Variants in GPAM observed in about 807,000 individuals in gnomAD.
GPAM encodes the protein glycerol-3-phosphate acyltransferase 1, mitochondrial.
A neutral mutation model predicts 105.0 loss-of-function variants in GPAM; 56 were observed. The observed-to-expected ratio is 0.53, with a 90% CI of 0.43 to 0.67. GPAM has a LOEUF of 0.67. Among genes scored for constraint, GPAM ranks in the 30% least tolerant of loss-of-function variants. The probability of loss-of-function intolerance (pLI) is 0.00; values close to 1 mark genes in which losing one functional copy is unlikely to be tolerated. For synonymous variants in GPAM, 368 were observed against 354.4 expected (o/e 1.04, Z -0.43); for missense variants, 855 against 989.8 (o/e 0.86, Z 1.83).
At position 112,183,676 on chromosome 10, in the gene GPAM, G is replaced by A. The variant is rs1847549909; in HGVS notation, c.-128+17C>T. The A allele has an allele frequency of 6.5e-6, 1 of 152,790 alleles. No individual in the cohort carries two copies. The highest frequency in any genetic ancestry group is 1.5e-5 in the Non-Finnish European group (1 of 68,478). The allele number at this position is 152,790 out of a possible 1,614,324, so 9.5% of individuals were successfully genotyped here. ...GAGTAGCCTCCCGCAGCCCACACCT[G>A]CCCTGGCAGTTCGCACCCTAGCAGC... is the stretch of plus-strand genomic sequence containing the variant. On this transcript the variant is annotated intron_variant, in intron 1 of 21. Transcript: ENST00000348367.
Position 112,151,202 on chromosome 10 carries a change from A to G in GPAM, c.*2348T>C, listed in dbSNP as rs1460854819. 1 of 984,684 alleles carries G rather than the reference A, an allele frequency of 1.0e-6. No homozygotes were observed. The allele number at this position is 984,684 out of a possible 1,614,324, so 61.0% of individuals were successfully genotyped here. On this transcript the variant is annotated 3_prime_UTR_variant, in exon 22 of 22. Coordinates refer to ENST00000348367, the MANE Select transcript of GPAM (RefSeq NM_001244949.2). ...AATGCGATAGAGTAAACTGTAATAA[A>G]TTATTTACAAGCACCTAGTTTGTTT...
upstream of GPAM, among the ~76,000 whole-genome samples, chr10:112,184,384 C>T (rs2133274069): frequency 6.6e-6 from 1 of 152,222 alleles, no homozygotes; most frequent in Admixed American, 6.5e-5. Context: ...AAAGTTCTCA[C>T]CATGAAAACT....
At chr10:112,204,516 T>C (rs1176688279) in intron 1 of GPAM, among the ~76,000 whole-genome samples, 1 of 151,872 alleles carries the variant, frequency 6.6e-6, no homozygotes, top group African/African-American at 2.4e-5. Context: ...GAGAGAAGTT[T>C]ATTTATTGCA....
chr10:112,181,409 T>G (rs955000086), intron 3 of GPAM, among the ~76,000 whole-genome samples: 1 of 151,968 alleles, frequency 6.6e-6, no homozygotes, highest in African/African-American at 2.4e-5. Flanking sequence ...GAAAAAAAAA[T>G]TTCTTACCGA....
chr10:112,156,301 A>G, intron 19 of GPAM: 1 of 511,790 alleles, frequency 2.0e-6, no homozygotes, highest in Non-Finnish European at 3.5e-6. Flanking sequence ...TTCATTGAAC[A>G]GCCACCTAGA....
chr10:112,209,020 C>T (rs775376399), intron 1 of GPAM, among the ~76,000 whole-genome samples: 1 of 152,158 alleles, frequency 6.6e-6, no homozygotes, highest in African/African-American at 2.4e-5. Context: ...GTGTTCAGGG[C>T]AAGGACAGGG....
intron 5 of GPAM, among the ~76,000 whole-genome samples, chr10:112,176,708 C>A (rs1265942921): frequency 6.6e-6 from 1 of 152,164 alleles, no homozygotes; most frequent in Non-Finnish European, 1.5e-5. Context: ...AGTCCAAGCT[C>A]TCTATGAAAT....
chr10:112,199,057 G>A (rs1462317127), intron 1 of GPAM, among the ~76,000 whole-genome samples: 4 of 151,092 alleles, frequency 2.6e-5, no homozygotes, highest in African/African-American at 9.7e-5. Flanking sequence ...CGAGTAGCTG[G>A]GACTACAGAC....
intron 11 of GPAM, among the ~76,000 whole-genome samples, chr10:112,166,764 C>A (rs1157145446): frequency 6.6e-6 from 1 of 152,180 alleles, no homozygotes; most frequent in Admixed American, 6.5e-5. Context: ...AATACTATTT[C>A]ATTTAGTATC....
intron 1 of GPAM, among the ~76,000 whole-genome samples, chr10:112,213,650 A>T (rs938939632): frequency 1.4e-5 from 2 of 144,148 alleles, no homozygotes; most frequent in East Asian, 3.9e-4. Flanking sequence ...CAGAAGAAGT[A>T]GATTTACTCA....
At chr10:112,176,896 T>G (rs955173533) in intron 5 of GPAM, among the ~76,000 whole-genome samples, 2 of 152,246 alleles carry the variant, frequency 1.3e-5, no homozygotes, top group African/African-American at 4.8e-5. Context: ...AGTTTCATTC[T>G]GCCTCGTCAT....
intron 9 of GPAM, among the ~76,000 whole-genome samples, chr10:112,170,715 A>G (rs1472464382): frequency 1.3e-5 from 2 of 152,242 alleles, no homozygotes; most frequent in African/African-American, 4.8e-5. Context: ...TAATTCCTGG[A>G]AAAGCACATC....
At chr10:112,192,486 A>G (rs1433197263) in intron 1 of GPAM, among the ~76,000 whole-genome samples, 1 of 152,200 alleles carries the variant, frequency 6.6e-6, no homozygotes, top group African/African-American at 2.4e-5. Flanking sequence ...GACTCCTAAA[A>G]GGGGAGAGCA....
chr10:112,217,869 ATTC>A (rs1439759646), upstream of GPAM, among the ~76,000 whole-genome samples: 1 of 152,232 alleles, frequency 6.6e-6, no homozygotes, highest in African/African-American at 2.4e-5. Context: ...ACAGGTCTTT[ATTC>A]TTCTCCTACA....
In GPAM at chr10:112,151,675, C is replaced by T. The variant is rs1242225486; in HGVS notation, c.*1875G>A. 1.0e-6 allele frequency: 1 copy of T among 985,018 alleles called. No individual in the cohort carries two copies. Among genetic ancestry groups the T allele is most frequent in the Non-Finnish European group, 1.2e-6 (1 of 829,692 alleles). The allele number at this position is 985,018 out of a possible 1,614,324, so 61.0% of individuals were successfully genotyped here. On this transcript the variant is annotated 3_prime_UTR_variant, in exon 22 of 22. Coordinates refer to ENST00000348367, the MANE Select transcript of GPAM (RefSeq NM_001244949.2). Reference sequence around the variant, plus strand: ...AATGACAGGCAGGGCAGAGTGTCGACTGGGAAGCGAGTCCCAATCTTGAAT... The same window carrying T: ...AATGACAGGCAGGGCAGAGTGTCGATTGGGAAGCGAGTCCCAATCTTGAAT...
chr10:112,180,718 A>G (rs1847493812), intron 3 of GPAM, 123 bp from the exon 4 acceptor site: 5 of 841,340 alleles, frequency 5.9e-6, no homozygotes, highest in Middle Eastern at 3.4e-4. Flanking sequence ...GGTGATTTTC[A>G]TTTAAGTACT....
At chr10:112,187,591 T>C (rs1847610683), upstream of GPAM, among the ~76,000 whole-genome samples, 1 of 152,124 alleles carries the variant, frequency 6.6e-6, no homozygotes, top group Non-Finnish European at 1.5e-5. Flanking sequence ...GAAGAAATTT[T>C]AAAAATCTAC....
chr10:112,203,476 T>C (rs60161502), intron 1 of GPAM, among the ~76,000 whole-genome samples: 4,932 of 152,314 alleles, frequency 0.032, 180 homozygotes, highest in African/African-American at 0.091. Flanking sequence ...ACAGCCAGCA[T>C]TGAGGTCCTA....
In GPAM at chr10:112,157,513, C is replaced by G. The variant is rs1847039462; in HGVS notation, c.1981-124G>C. The G allele has an allele frequency of 3.5e-6, 3 of 853,798 alleles. No homozygotes were observed. The Admixed American group carries it at 6.0e-5, about 17-fold the overall frequency. 52.9% of individuals were successfully genotyped at this position (853,798 alleles called of 1,614,324 possible). On this transcript the variant is annotated intron_variant, in intron 18 of 21. Coordinates refer to ENST00000348367, the MANE Select transcript of GPAM (RefSeq NM_001244949.2). ...CCTGGCTCTTCTCTGTTTAGCCACT[C>G]ATAATGTCAGTCCACTTCCCTTCCA...
Sources: gnomAD v4.1 joint callset for allele counts (sites outside exome capture counted in the v4.1 genomes callset) on GRCh38, gnomAD v4.1.1 for gene constraint, MANE v1.5 for transcripts, NCBI Gene and HGNC (gene_info 2026-07-23, HGNC 2026-07-21) for gene names.